The following TMPRSS5 variants were observed in gnomAD, a reference collection of about 807,000 sequenced individuals.
TMPRSS5 encodes transmembrane serine protease 5, also known as transmembrane protease serine 5.
In TMPRSS5, 45 loss-of-function variants were observed where a neutral mutation model predicts 59.7. The observed-to-expected ratio is 0.75, with a 90% confidence interval of 0.59 to 0.97. The LOEUF is 0.97. Ranked by LOEUF, TMPRSS5 falls within the 50% of genes least tolerant of loss-of-function variation. The pLI is 0.00. For synonymous variants in TMPRSS5, 225 were observed against 232.0 expected (o/e 0.97, Z 0.27); for missense variants, 585 against 596.7 (o/e 0.98, Z 0.20).
At chr11:113,705,333 T>G (rs991173591) in intron 1 of TMPRSS5, among the ~76,000 whole-genome samples, 2 of 152,126 alleles carry the variant, frequency 1.3e-5, no homozygotes, top group Non-Finnish European at 2.9e-5. Flanking sequence ...CACCTCCAAA[T>G]TGCCCCGAAA....
At chr11:113,703,489 G>A (rs1013159263) in intron 1 of TMPRSS5, among the ~76,000 whole-genome samples, 1 of 152,198 alleles carries the variant, frequency 6.6e-6, no homozygotes, top group Non-Finnish European at 1.5e-5. Flanking sequence ...ATGCTGGAAC[G>A]AGTTAAGACT....
intron 12 of TMPRSS5, among the ~76,000 whole-genome samples, chr11:113,689,167 G>A (rs1277993085): frequency 6.6e-6 from 1 of 152,042 alleles, no homozygotes; most frequent in Non-Finnish European, 1.5e-5. Context: ...AGACCAGCCT[G>A]ACCAACATGG....
Position 113,694,630 on chromosome 11 carries a change from C to T in TMPRSS5, c.633G>A (p.Ala211=), listed in dbSNP as rs1021090680. The change falls in exon 8 of 13, where the codon GCG becomes GCA. Residue 211 remains alanine (A), a synonymous_variant. Coordinates refer to ENST00000299882, the MANE Select transcript of TMPRSS5 (RefSeq NM_030770.4). ...CAACTATCCGGGAAGCCAGGGGCCT[C>T]GCTCCACACTCTGCCAACAGAGATG... ...VVSLRCSECG[A]RPLASRIVGG... is the part of the protein sequence containing the mutation. 26 of 1,543,674 alleles carry T rather than the reference C, an allele frequency of 1.7e-5. No homozygotes were observed. The highest frequency in any genetic ancestry group is 2.1e-5 in the Non-Finnish European group (24 of 1,144,112).
At position 113,699,812 on chromosome 11, in the gene TMPRSS5, T is replaced by C. The variant is rs534454574; in HGVS notation, c.107-119A>G. 1.9e-5 allele frequency: 27 copies of C among 1,388,770 alleles called. No individual in the cohort carries two copies. The East Asian group carries it at 6.7e-4, about 35-fold the overall frequency. 86.0% of individuals were successfully genotyped at this position (1,388,770 alleles called of 1,614,324 possible). ...AGAGCTCCAACAGGACACCTCCTCC[T>C]GCCCCATCAGCCCAGATTAGGGAGG... On this transcript the variant is annotated intron_variant, in intron 2 of 12. Transcript: ENST00000299882.
rs1952758723 is a variant in TMPRSS5, at chr11:113,690,875, C to A, written c.1029G>T (p.Trp343Cys). The change falls in exon 10 of 13, where the codon TGG becomes TGT. Residue 343 changes from tryptophan (W) to cysteine (C), a missense_variant. By Grantham distance (215) the Trp-to-Cys change is radical. Transcript: ENST00000299882. ...GGTGGGTGTGGCCCCAGCCAGACAC[C>A]CAGCACCGCGAGCCCTTCGGAAAAT... ...EQHFPKGSRC[W>C]VSGWGHTHPS... is the part of the protein sequence containing the mutation. The A allele has an allele frequency of 1.3e-6, 2 of 1,596,288 alleles. No individual in the cohort carries two copies. Among genetic ancestry groups the A allele is most frequent in the East Asian group, 4.5e-5 (2 of 44,078 alleles).
At chr11:113,706,129 T>C (rs544435718) in intron 1 of TMPRSS5, 93 bp downstream of exon 1, 1 of 1,484,762 alleles carries the variant, frequency 6.7e-7, no homozygotes, top group Non-Finnish European at 9.2e-7. Flanking sequence ...CAGGAGGCTC[T>C]TTCCACCAGC....
chr11:113,693,029 G>A (rs1048731208), intron 9 of TMPRSS5, 42 bp downstream of exon 9: 15 of 1,359,776 alleles, frequency 1.1e-5, no homozygotes, highest in East Asian at 3.1e-5. Context: ...GCCCTCTCTC[G>A]CCATAGTCTC....
chr11:113,690,699 A>G (rs7114195), intron 10 of TMPRSS5, 142 bp downstream of exon 10: 5 of 784,938 alleles, frequency 6.4e-6, no homozygotes, highest in Non-Finnish European at 2.0e-6. Context: ...GAGACTGGAG[A>G]CCCTAGGCCT....
intron 12 of TMPRSS5, among the ~76,000 whole-genome samples, chr11:113,689,287 T>G (rs4938035): frequency 0.17 from 25,398 of 151,854 alleles, 2,206 homozygotes; most frequent in Middle Eastern, 0.19. Flanking sequence ...ACCCGGGAGA[T>G]AGAGGTTGCA....
chr11:113,706,107 C>A, intron 1 of TMPRSS5, 115 bp downstream of exon 1: 2 of 1,292,466 alleles, frequency 1.5e-6, no homozygotes, highest in Non-Finnish European at 2.2e-6. Context: ...AGCCCCTGTA[C>A]CAGAGCTGCC....
At chr11:113,699,769 A>G (rs1953072320) in intron 2 of TMPRSS5, 76 bp from the exon 3 acceptor site, 1 of 1,453,174 alleles carries the variant, frequency 6.9e-7, no homozygotes, top group East Asian at 2.5e-5. Context: ...AGTCACCACT[A>G]TGGGGCTAGG....
At chr11:113,699,151 G>A (rs776572058) in intron 3 of TMPRSS5, 124 bp from the exon 4 acceptor site, 32 of 977,346 alleles carry the variant, frequency 3.3e-5, no homozygotes, top group African/African-American at 4.9e-5. Flanking sequence ...GGGGCATAGC[G>A]CTCCATCTCT....
chr11:113,699,275 C>G (rs945583937), intron 3 of TMPRSS5, among the ~76,000 whole-genome samples: 1 of 106,304 alleles, frequency 9.4e-6, no homozygotes, highest in African/African-American at 4.2e-5. Context: ...CTCTCTCCCT[C>G]TCTCTCTCTC....
chr11:113,694,534 A>G lies in TMPRSS5; in HGVS notation c.729T>C (p.Cys243=). The change falls in exon 8 of 13, where the codon TGT becomes TGC. Residue 243 remains cysteine (C), a synonymous_variant. Transcript: ENST00000299882. ...ASVALGFRHT[C]GGSVLAPRWV... is the part of the protein sequence containing the mutation. ...AGCGTGGCGCTAGCACAGAGCCCCC[A>G]CACGTGTGCCGGAAGCCCAGGGCCA... is the stretch of plus-strand genomic sequence containing the variant. 1 of 1,561,298 alleles carries G rather than the reference A, an allele frequency of 6.4e-7. No individual in the cohort carries two copies. The highest frequency in any genetic ancestry group is 8.7e-7 in the Non-Finnish European group (1 of 1,152,582).
chr11:113,699,272 C>A (rs59233815), intron 3 of TMPRSS5, among the ~76,000 whole-genome samples: 1 of 24,078 alleles, frequency 4.2e-5, no homozygotes. Flanking sequence ...TCTCTCTCTC[C>A]CTCTCTCTCT....
rs1250893848 is a variant in TMPRSS5 at position 113,688,118 on chromosome 11, T to C, written c.*142A>G. The C allele has an allele frequency of 7.5e-7, 1 of 1,330,428 alleles. No homozygotes were observed. The highest frequency in any genetic ancestry group is 9.7e-7 in the Non-Finnish European group (1 of 1,028,272). 82.4% of individuals were successfully genotyped at this position (1,330,428 alleles called of 1,614,324 possible). The stretch of plus-strand genomic sequence containing the variant: ...GGCTGGGTGGCTGGCCAGTGGGTAG[T>C]GACTGTTCCTCACACACAGTAGTAG... On this transcript the variant is annotated 3_prime_UTR_variant, in exon 13 of 13. Coordinates refer to ENST00000299882, the MANE Select transcript of TMPRSS5 (RefSeq NM_030770.4).
intron 6 of TMPRSS5, among the ~76,000 whole-genome samples, chr11:113,696,225 G>A (rs1355416533): frequency 6.6e-6 from 1 of 152,162 alleles, no homozygotes; most frequent in Non-Finnish European, 1.5e-5. Context: ...TGGTAATGGG[G>A]GTGCCCACCT....
intron 7 of TMPRSS5, among the ~76,000 whole-genome samples, chr11:113,695,033 CA>C (rs146952456): frequency 0.014 from 2,120 of 152,282 alleles, 58 homozygotes; most frequent in African/African-American, 0.048. Context: ...CCTGATTCAC[CA>C]CCTGCCCTTA....
chr11:113,695,356 C>T (rs1952899386), intron 7 of TMPRSS5, 44 bp downstream of exon 7: 1 of 1,609,428 alleles, frequency 6.2e-7, no homozygotes, highest in African/African-American at 1.3e-5. Context: ...GGGGAACACC[C>T]CTTCCTCTCA....
Sources: gnomAD v4.1 joint callset for allele counts (sites outside exome capture counted in the v4.1 genomes callset) on GRCh38, gnomAD v4.1.1 for gene constraint, MANE v1.5 for transcripts, NCBI Gene and HGNC (gene_info 2026-07-23, HGNC 2026-07-21) for gene names.